The following ARHGAP12 variants were observed in gnomAD, a reference collection of about 807,000 sequenced individuals.
ARHGAP12 encodes Rho GTPase activating protein 12, also known as rho GTPase-activating protein 12.
ARHGAP12 carries 64 observed loss-of-function variants against 108.6 expected under a neutral mutation model. The observed-to-expected ratio is 0.59, with a 90% confidence interval of 0.48 to 0.73. ARHGAP12 has a LOEUF of 0.73. ARHGAP12 is among the 30% of genes least tolerant of loss of function. The probability of loss-of-function intolerance (pLI) is 0.00; values close to 1 mark genes in which losing one functional copy is unlikely to be tolerated. For synonymous variants in ARHGAP12, 312 were observed against 337.2 expected (o/e 0.93, Z 0.82); for missense variants, 940 against 1,005.9 (o/e 0.93, Z 0.89).
At chr10:31,895,121 T>C (rs1306355656) in intron 3 of ARHGAP12, among the ~76,000 whole-genome samples, 1 of 152,182 alleles carries the variant, frequency 6.6e-6, no homozygotes, top group Non-Finnish European at 1.5e-5. Flanking sequence ...AAGACTTAAA[T>C]GTTAGACCTA....
At chr10:31,828,102 T>A (rs561772014) in intron 10 of ARHGAP12, among the ~76,000 whole-genome samples, 1 of 152,304 alleles carries the variant, frequency 6.6e-6, no homozygotes, top group African/African-American at 2.4e-5. Flanking sequence ...CTTCTGCACA[T>A]GCTTTACCAT....
intron 1 of ARHGAP12, among the ~76,000 whole-genome samples, chr10:31,920,960 C>T (rs1027044221): frequency 8.5e-5 from 13 of 152,154 alleles, no homozygotes. Context: ...AAGCAACACA[C>T]TTCTAAATGA....
chr10:31,908,413 A>G lies in ARHGAP12; in HGVS notation c.443T>C (p.Leu148Pro), dbSNP rs1262894024. 1.2e-6 allele frequency: 2 copies of G among 1,614,090 alleles called. No individual in the cohort carries two copies. Among genetic ancestry groups the G allele is most frequent in the Non-Finnish European group, 1.7e-6 (2 of 1,180,032 alleles). Reference sequence around the variant, plus strand: ...GTTATTATGGGTCAGGTCCAGGCTTAGGTTGACAGTCTGACCTTGATTATA... The same window carrying G: ...GTTATTATGGGTCAGGTCCAGGCTTGGGTTGACAGTCTGACCTTGATTATA... Reference protein sequence around the residue: ...PSYNQGQTVNLSLDLTHNNGK... With the variant: ...PSYNQGQTVNPSLDLTHNNGK... The change falls in exon 3 of 20, where the codon CTA (leucine) becomes CCA (proline). Residue 148 changes from leucine to proline, a missense_variant. Leu to Pro is a moderately conservative substitution (Grantham distance 98). Coordinates refer to ENST00000344936, the MANE Select transcript of ARHGAP12 (RefSeq NM_018287.7).
intron 15 of ARHGAP12, 93 bp from the exon 16 acceptor site, chr10:31,810,840 C>T (rs922020283): frequency 1.3e-5 from 12 of 921,976 alleles, no homozygotes; most frequent in East Asian, 2.5e-5. Context: ...AAACATCCAG[C>T]GTAACCAAAT....
chr10:31,908,129 A>T, intron 3 of ARHGAP12, 43 bp downstream of exon 3: 1 of 1,490,800 alleles, frequency 6.7e-7, no homozygotes, highest in Non-Finnish European at 9.0e-7. Context: ...TAATATTTTC[A>T]CTAGGGTGGT....
chr10:31,919,189 G>T (rs555972115), intron 1 of ARHGAP12, among the ~76,000 whole-genome samples: 2 of 152,178 alleles, frequency 1.3e-5, no homozygotes, highest in Non-Finnish European at 2.9e-5. Flanking sequence ...CATAAAGACA[G>T]AAAGCAGAAT....
chr10:31,865,957 G>A (rs959068153), intron 3 of ARHGAP12, among the ~76,000 whole-genome samples: 6 of 151,976 alleles, frequency 3.9e-5, no homozygotes, highest in African/African-American at 1.2e-4. Context: ...AAAGCATACA[G>A]AGTAAGTGCA....
At chr10:31,835,044 A>G (rs1564378936) in intron 9 of ARHGAP12, among the ~76,000 whole-genome samples, 1 of 151,856 alleles carries the variant, frequency 6.6e-6, no homozygotes, top group South Asian at 2.1e-4. Context: ...ACTAAAAATA[A>G]AAAAATCAGC....
chr10:31,839,849 C>CTAA (rs1334847981), intron 7 of ARHGAP12, 138 bp from the exon 8 acceptor site: 1 of 512,410 alleles, frequency 2.0e-6, no homozygotes, highest in East Asian at 3.4e-5. Context: ...CAGCTCCAAG[C>CTAA]TAATAAGGTA....
rs755977039 is a variant in ARHGAP12 at position 31,908,332 on chromosome 10, C to T, written c.524G>A (p.Arg175His). Residue 175 changes from arginine (R) to histidine (H), a missense_variant, in exon 3 of 20, where the codon CGC becomes CAC. Physicochemically the swap from Arg to His is conservative, Grantham distance 29. Coordinates refer to ENST00000344936, the MANE Select transcript of ARHGAP12 (RefSeq NM_018287.7). ...SPKVSSQNRT[R>H]SFGHFPGPEF... ...TGGACCGGGAAAATGACCAAATGAGCGTGTCCTATTCTGGCTGGAAACTTT... is the reference window on the plus strand; with the variant it reads ...TGGACCGGGAAAATGACCAAATGAGTGTGTCCTATTCTGGCTGGAAACTTT... 2.4e-5 allele frequency: 39 copies of T among 1,613,982 alleles called. No individual in the cohort carries two copies. The highest frequency in any genetic ancestry group is 3.1e-5 in the Non-Finnish European group (36 of 1,180,016).
intron 11 of ARHGAP12, among the ~76,000 whole-genome samples, chr10:31,821,488 T>C (rs1835415257): frequency 6.6e-6 from 1 of 152,210 alleles, no homozygotes; most frequent in Non-Finnish European, 1.5e-5. Context: ...TAAAAATCTG[T>C]TATAAATATT....
intron 9 of ARHGAP12, among the ~76,000 whole-genome samples, chr10:31,834,560 C>G (rs968754642): frequency 6.6e-6 from 1 of 152,130 alleles, no homozygotes; most frequent in Admixed American, 6.5e-5. Context: ...TTTTGCTATA[C>G]CAGCCCCAAT....
intron 4 of ARHGAP12, among the ~76,000 whole-genome samples, chr10:31,857,577 C>T (rs1266505294): frequency 6.6e-6 from 1 of 152,080 alleles, no homozygotes; most frequent in Non-Finnish European, 1.5e-5. Flanking sequence ...TCCTCAAATT[C>T]GGAAATCTCA....
chr10:31,807,681 G>A lies in ARHGAP12; in HGVS notation c.2518C>T (p.Leu840=), dbSNP rs775686104. The A allele has an allele frequency of 1.8e-5, 29 of 1,603,170 alleles. No individual in the cohort carries two copies. In the East Asian group the frequency reaches 5.8e-4, roughly 32 times the overall value. The part of the protein sequence containing the change: ...NQIVELILLE[L]SSIFGR The stretch of plus-strand genomic sequence containing the variant: ...AATCAACGTCCGAAGATGGAACTCA[G>A]TTCCAGAAGAATTAATTCTACAATC... Residue 840 remains leucine (L), a synonymous_variant, in exon 20 of 20, where the codon CTG becomes TTG. Transcript: ENST00000344936.
At chr10:31,835,273 AAT>A (rs1158368506) in intron 9 of ARHGAP12, among the ~76,000 whole-genome samples, 2 of 152,080 alleles carry the variant, frequency 1.3e-5, no homozygotes, top group East Asian at 1.9e-4. Context: ...TTCTCTACAT[AAT>A]ATGTGTCAAA....
At chr10:31,911,340 C>A (rs961006424) in intron 1 of ARHGAP12, among the ~76,000 whole-genome samples, 1 of 152,144 alleles carries the variant, frequency 6.6e-6, no homozygotes, top group Admixed American at 6.6e-5. Context: ...TTTCGAGACA[C>A]AGTCTCACTC....
chr10:31,868,152 G>A (rs1044476596), intron 3 of ARHGAP12, among the ~76,000 whole-genome samples: 1 of 151,636 alleles, frequency 6.6e-6, no homozygotes, highest in African/African-American at 2.4e-5. Context: ...AAGCCAAGAT[G>A]GCGCCAGTGC....
At chr10:31,914,379 G>C (rs187970973) in intron 1 of ARHGAP12, among the ~76,000 whole-genome samples, 13 of 152,006 alleles carry the variant, frequency 8.6e-5, no homozygotes, top group Admixed American at 7.9e-4. Flanking sequence ...TCATTCCTCT[G>C]CATGTCGCTA....
chr10:31,830,156 A>G (rs1028814934), intron 10 of ARHGAP12, among the ~76,000 whole-genome samples: 3 of 152,158 alleles, frequency 2.0e-5, no homozygotes, highest in African/African-American at 7.2e-5. Context: ...TTCTCACAGT[A>G]TCTGTAGATA....
Sources: gnomAD v4.1 joint callset for allele counts (sites outside exome capture counted in the v4.1 genomes callset) on GRCh38, gnomAD v4.1.1 for gene constraint, MANE v1.5 for transcripts, NCBI Gene and HGNC (gene_info 2026-07-23, HGNC 2026-07-21) for gene names.